Variants in TRPC4AP observed in about 807,000 individuals in gnomAD.
The protein encoded by TRPC4AP is short transient receptor potential channel 4-associated protein.
A neutral mutation model predicts 99.0 loss-of-function variants in TRPC4AP; 45 were observed. The observed-to-expected ratio is 0.45, with a 90% CI of 0.36 to 0.58. TRPC4AP has a LOEUF of 0.58. TRPC4AP is among the 20% of genes least tolerant of loss of function. The pLI, the probability that TRPC4AP is intolerant of heterozygous loss-of-function variation, is 0.00. For missense variants in TRPC4AP, 879 were observed against 985.3 expected (o/e 0.89, Z 1.44); for synonymous variants, 408 against 385.8 (o/e 1.06, Z -0.67).
At chr20:35,089,040 CT>C (rs33911641) in intron 1 of TRPC4AP, among the ~76,000 whole-genome samples, 7 of 147,654 alleles carry the variant, frequency 4.7e-5, no homozygotes, top group East Asian at 2.0e-4. Flanking sequence ...AACTATACAC[CT>C]TTTTTTTTTA....
intron 13 of TRPC4AP, among the ~76,000 whole-genome samples, chr20:35,007,925 T>C (rs2082548788): frequency 1.3e-5 from 2 of 152,116 alleles, no homozygotes; most frequent in Admixed American, 1.3e-4. Context: ...CGAGCCCCCG[T>C]GAAACATACT....
At chr20:35,053,725 CATTAATA>C (rs1222739993) in intron 5 of TRPC4AP, among the ~76,000 whole-genome samples, 4 of 152,108 alleles carry the variant, frequency 2.6e-5, no homozygotes, top group African/African-American at 9.7e-5. Flanking sequence ...GTAAATATCT[CATTAATA>C]ATTAATTATA....
rs1200046465 is a variant in TRPC4AP at position 35,024,852 on chromosome 20, A to AC, written c.1052-3497_1052-3496insG. On this transcript the variant is annotated intron_variant, in intron 8 of 18. Coordinates refer to ENST00000252015, the MANE Select transcript of TRPC4AP (RefSeq NM_015638.3). ...AAAAAAAAAAAAAAAAAAAAAAAAA[A>AC]AAATTCTGTTTATTCATTAATCAGG... Among the ~76,000 whole-genome samples the AC allele has an allele frequency of 7.6e-3, 530 of 70,194 alleles. 60 individuals carry two copies. Among genetic ancestry groups the AC allele is most frequent in the African/African-American group, 0.018 (382 of 21,158 alleles). The allele number at this position is 70,194 out of a possible 152,430, so 46.0% of individuals were successfully genotyped here.
At chr20:35,069,060 T>C (rs2084233278) in intron 3 of TRPC4AP, among the ~76,000 whole-genome samples, 1 of 151,968 alleles carries the variant, frequency 6.6e-6, no homozygotes, top group Non-Finnish European at 1.5e-5. Context: ...CTGGGAAATT[T>C]AGAGATGTAC....
intron 1 of TRPC4AP, among the ~76,000 whole-genome samples, chr20:35,084,066 G>A (rs373740764): frequency 7.2e-5 from 11 of 151,920 alleles, no homozygotes; most frequent in South Asian, 2.1e-4. Flanking sequence ...TTGGGAGGCC[G>A]AGGTGGGTGG....
At position 35,008,781 on chromosome 20, in the gene TRPC4AP, G is replaced by C. The variant is rs1290706991; in HGVS notation, c.1512-34C>G. ...GAAGAGAGATATTGGTGACAGATCT[G>C]AGAGGCTGACAGGGGCCCTGGGGAT... is the stretch of plus-strand genomic sequence containing the variant. On this transcript the variant is annotated intron_variant, in intron 12 of 18. Coordinates refer to ENST00000252015, the MANE Select transcript of TRPC4AP (RefSeq NM_015638.3). 3 of 1,597,416 alleles carry C rather than the reference G, an allele frequency of 1.9e-6. No individual in the cohort carries two copies. In the African/African-American group the frequency reaches 4.0e-5, roughly 21 times the overall value.
At position 35,021,149 on chromosome 20, in the gene TRPC4AP, C is replaced by T. The variant is rs774998553; in HGVS notation, c.1218+41G>A. 4 of 1,593,506 alleles carry T rather than the reference C, an allele frequency of 2.5e-6. No individual in the cohort carries two copies. The Admixed American group carries it at 5.0e-5, about 20-fold the overall frequency. On this transcript the variant is annotated intron_variant, in intron 9 of 18. Coordinates refer to ENST00000252015, the MANE Select transcript of TRPC4AP (RefSeq NM_015638.3). The stretch of plus-strand genomic sequence containing the variant: ...TGGCATACCATGAGCACCCGGGCAG[C>T]ACCTGCTCCCCGTGTCCTGAGACGC...
At position 35,057,540 on chromosome 20, in the gene TRPC4AP, A is replaced by C. The variant is rs1225908395; in HGVS notation, c.446T>G (p.Ile149Ser). ...TTTCAGTTTCTGTCCCCGGATAGAG[A>C]TCGTAGGCCTCATAAGAATTTCTAC... is the stretch of plus-strand genomic sequence containing the variant. ...LLVEILMRPT[I>S]SIRGQKLKIS... The change falls in exon 4 of 19, where the codon ATC becomes AGC. Residue 149 changes from isoleucine to serine, a missense_variant. Around this residue, in one of 3 missense-constraint regions of TRPC4AP, gnomAD observed 603 missense variants for 631.8 expected, o/e 0.95. Transcript: ENST00000252015. 6.2e-7 allele frequency: 1 copy of C among 1,612,644 alleles called. No individual in the cohort carries two copies. Among genetic ancestry groups the C allele is most frequent in the Admixed American group, 1.7e-5 (1 of 59,906 alleles).
At position 35,092,762 on chromosome 20, in the gene TRPC4AP, G is replaced by A. The variant is rs777371976; in HGVS notation, c.20C>T (p.Ala7Val). 1.1e-5 allele frequency: 17 copies of A among 1,542,078 alleles called. No homozygotes were observed. Among genetic ancestry groups the A allele is most frequent in the South Asian group, 2.3e-5 (2 of 85,372 alleles). The change falls in exon 1 of 19, where the codon GCG (alanine) becomes GTG (valine). Residue 7 changes from alanine (A) to valine (V), a missense_variant. Around this residue, in one of 3 missense-constraint regions of TRPC4AP, gnomAD observed 603 missense variants for 631.8 expected, o/e 0.95. Transcript: ENST00000252015. Reference sequence around the variant, plus strand: ...CCCTCGGCCGGCTCCAGACCCAGCCGCTACCGGCGCCGCCGCCATGTCTCC... The same window carrying A: ...CCCTCGGCCGGCTCCAGACCCAGCCACTACCGGCGCCGCCGCCATGTCTCC... Reference protein sequence around the residue: MAAAPVAAGSGAGRGRR... With the variant: MAAAPVVAGSGAGRGRR...
At chr20:35,030,180 G>A (rs1555906786) in intron 8 of TRPC4AP, 1 of 150,084 alleles carries the variant, frequency 6.7e-6, no homozygotes, top group Non-Finnish European at 1.5e-5. Flanking sequence ...GGCGGAGGTT[G>A]CGGGGAGCCA....
chr20:35,037,128 C>CCT, intron 7 of TRPC4AP, among the ~76,000 whole-genome samples: 1 of 152,086 alleles, frequency 6.6e-6, no homozygotes, highest in East Asian at 1.9e-4. Flanking sequence ...GGGTGGATCA[C>CCT]AAGGTCAGGA....
chr20:35,080,737 A>C (rs895652926), intron 1 of TRPC4AP, among the ~76,000 whole-genome samples: 4 of 151,580 alleles, frequency 2.6e-5, no homozygotes, highest in South Asian at 2.1e-4. Context: ...AAATATTCTA[A>C]AATTGATCGT....
At chr20:35,092,554 G>GGCC in intron 1 of TRPC4AP, 60 bp downstream of exon 1, 1 of 1,402,342 alleles carries the variant, frequency 7.1e-7, no homozygotes, top group Non-Finnish European at 9.2e-7. Context: ...CTCTTCCCCG[G>GGCC]CCCCCCGCCA....
intron 6 of TRPC4AP, among the ~76,000 whole-genome samples, chr20:35,047,597 G>A (rs1026694921): frequency 6.6e-6 from 1 of 152,208 alleles, no homozygotes; most frequent in Non-Finnish European, 1.5e-5. Context: ...CACAGGTGGA[G>A]AAGTTTTTGC....
At chr20:35,028,935 A>G (rs1309847903) in intron 8 of TRPC4AP, among the ~76,000 whole-genome samples, 2 of 152,138 alleles carry the variant, frequency 1.3e-5, no homozygotes, top group African/African-American at 4.8e-5. Context: ...TGCTCTGATA[A>G]CAGTTTTTGT....
chr20:35,059,164 T>C (rs567134748), intron 3 of TRPC4AP, among the ~76,000 whole-genome samples: 12 of 152,080 alleles, frequency 7.9e-5, no homozygotes, highest in African/African-American at 2.9e-4. Flanking sequence ...GACTGGCAAA[T>C]TCTTAACTAG....
intron 8 of TRPC4AP, among the ~76,000 whole-genome samples, chr20:35,021,717 G>A (rs1191959837): frequency 1.3e-5 from 2 of 152,138 alleles, no homozygotes; most frequent in South Asian, 4.1e-4. Flanking sequence ...TATGGGGACC[G>A]CTCTTCAAGT....
At chr20:35,018,741 T>C (rs986792180) in intron 9 of TRPC4AP, among the ~76,000 whole-genome samples, 1 of 151,874 alleles carries the variant, frequency 6.6e-6, no homozygotes, top group Non-Finnish European at 1.5e-5. Flanking sequence ...TATAGCAGGA[T>C]GGTAGGCAGG....
intron 17 of TRPC4AP, 91 bp downstream of exon 17, chr20:35,004,366 TG>T: frequency 1.8e-6 from 2 of 1,095,892 alleles, no homozygotes; most frequent in Admixed American, 2.0e-5. Context: ...GACGCACTTC[TG>T]GAGTGGGGGA....
Sources: allele counts gnomAD v4.1 joint callset (sites outside exome capture counted in the v4.1 genomes callset), GRCh38; gene constraint gnomAD v4.1.1; regional missense constraint gnomAD v4.1.1; transcripts MANE v1.5; gene names NCBI Gene and HGNC (gene_info 2026-07-23, HGNC 2026-07-21).